Variants in TMEM236 observed in about 807,000 individuals in gnomAD.
TMEM236 encodes family with sequence similarity 23, member A.
A neutral mutation model predicts 14.7 loss-of-function variants in TMEM236; 11 were observed. The ratio of observed to expected loss-of-function variants is 0.75; its 90% CI spans 0.47 to 1.24. The LOEUF is 1.24. Among genes scored for constraint, TMEM236 ranks in the 50% most tolerant of loss-of-function variants. The pLI is 0.00. For synonymous variants in TMEM236, 182 were observed against 168.6 expected (o/e 1.08, Z -0.62); for missense variants, 464 against 427.3 (o/e 1.09, Z -0.76).
rs1838015455 is a variant in TMEM236 at position 17,796,362 on chromosome 10, G to C, written c.914G>C (p.Arg305Thr). The C allele has an allele frequency of 1.2e-6, 2 of 1,613,904 alleles. No individual in the cohort carries two copies. The highest frequency in any genetic ancestry group is 1.7e-6 in the Non-Finnish European group (2 of 1,179,868). The change falls in exon 4 of 4, where the codon AGA becomes ACA. Residue 305 changes from arginine (R) to threonine (T), a missense_variant. Transcript: ENST00000377495. ...LLQDLPFVFVRLGLIIALGTI... is the reference protein window; with the variant it reads ...LLQDLPFVFVTLGLIIALGTI... ...CAAGATTTACCATTCGTTTTTGTTA[G>C]ACTTGGTTTAATCATTGCCCTGGGG...
intron 1 of TMEM236, among the ~76,000 whole-genome samples, chr10:17,764,442 G>A (rs2131744290): frequency 6.6e-6 from 1 of 152,230 alleles, no homozygotes; most frequent in South Asian, 2.1e-4. Context: ...TCGCAAACTT[G>A]CATTCTTTGC....
chr10:17,764,554 G>T (rs1837430143), intron 1 of TMEM236, among the ~76,000 whole-genome samples: 1 of 152,154 alleles, frequency 6.6e-6, no homozygotes, highest in Non-Finnish European at 1.5e-5. Context: ...TCACAAACTT[G>T]GTGGCTTAAA....
At chr10:17,795,593 G>A (rs1837998458) in intron 3 of TMEM236, among the ~76,000 whole-genome samples, 1 of 152,130 alleles carries the variant, frequency 6.6e-6, no homozygotes, top group Non-Finnish European at 1.5e-5. Context: ...GTGTTATCTT[G>A]AAATTCCATG....
chr10:17,760,100 C>A (rs369199897), intron 1 of TMEM236, among the ~76,000 whole-genome samples: 16,720 of 151,014 alleles, frequency 0.11, 992 homozygotes, highest in Non-Finnish European at 0.13. Context: ...CTGTGCACTG[C>A]TGGACACACG....
intron 3 of TMEM236, among the ~76,000 whole-genome samples, chr10:17,778,147 C>T (rs928219901): frequency 2.6e-4 from 40 of 152,286 alleles, no homozygotes; most frequent in African/African-American, 6.5e-4. Flanking sequence ...GGAGAAGACT[C>T]TAGCACAATT....
At chr10:17,761,862 A>C (rs1046387640) in intron 1 of TMEM236, among the ~76,000 whole-genome samples, 23 of 152,192 alleles carry the variant, frequency 1.5e-4, no homozygotes, top group Admixed American at 5.2e-4. Context: ...CAATACAAAT[A>C]CCTCTGATTC....
chr10:17,752,659 TG>T (rs1837226599), intron 1 of TMEM236, 107 bp downstream of exon 1: 1 of 1,083,176 alleles, frequency 9.2e-7, no homozygotes, highest in African/African-American at 1.6e-5. Flanking sequence ...GTCCGCCTCC[TG>T]GGTTCAAGTG....
At chr10:17,766,759 G>A (rs1438451437) in intron 1 of TMEM236, among the ~76,000 whole-genome samples, 13 of 152,176 alleles carry the variant, frequency 8.5e-5, no homozygotes, top group African/African-American at 2.9e-4. Flanking sequence ...CAAAATTCCA[G>A]AGCTGAAAAC....
intron 1 of TMEM236, among the ~76,000 whole-genome samples, chr10:17,766,474 C>T (rs1310986021): frequency 2.6e-5 from 4 of 152,194 alleles, no homozygotes; most frequent in Non-Finnish European, 5.9e-5. Context: ...TAACAGCTTT[C>T]TCTATATCCC....
chr10:17,784,264 T>C (rs1318225082), intron 3 of TMEM236, among the ~76,000 whole-genome samples: 1 of 152,230 alleles, frequency 6.6e-6, no homozygotes, highest in African/African-American at 2.4e-5. Flanking sequence ...AATTTATAAA[T>C]AACCAATAAG....
chr10:17,793,395 G>C (rs1178959194), intron 3 of TMEM236, among the ~76,000 whole-genome samples: 1 of 152,202 alleles, frequency 6.6e-6, no homozygotes, highest in East Asian at 1.9e-4. Flanking sequence ...CATTATGACA[G>C]TTTCACCTAC....
chr10:17,752,395 G>T lies in TMEM236; in HGVS notation c.100G>T (p.Ala34Ser), dbSNP rs927472313. Residue 34 changes from alanine to serine, a missense_variant, in exon 1 of 4, where the codon GCC becomes TCC. Coordinates refer to ENST00000377495, the MANE Select transcript of TMEM236 (RefSeq NM_001098844.3). Reference sequence around the variant, plus strand: ...CGTGATCACAGAACAGTTTGCCACCGCCTACCAAGGAACAAGGGCTAGATC... The same window carrying T: ...CGTGATCACAGAACAGTTTGCCACCTCCTACCAAGGAACAAGGGCTAGATC... ...TLVITEQFAT[A>S]YQGTRARSDN... 3,219 of 1,613,850 alleles carry T rather than the reference G, an allele frequency of 2.0e-3. 67 individuals are homozygous for T. In the Admixed American group the frequency reaches 0.039, roughly 20 times the overall value.
chr10:17,793,785 A>G (rs1837966127), intron 3 of TMEM236, among the ~76,000 whole-genome samples: 2 of 152,152 alleles, frequency 1.3e-5, no homozygotes, highest in African/African-American at 4.8e-5. Flanking sequence ...GCCTGGCTCT[A>G]TATTAATTTT....
At chr10:17,771,797 T>C (rs1444599515) in intron 2 of TMEM236, among the ~76,000 whole-genome samples, 3 of 152,382 alleles carry the variant, frequency 2.0e-5, no homozygotes, top group South Asian at 4.1e-4. Context: ...ATAATTTGCA[T>C]GTGTTATTTA....
At chr10:17,779,278 A>G (rs1837710022) in intron 3 of TMEM236, among the ~76,000 whole-genome samples, 1 of 152,092 alleles carries the variant, frequency 6.6e-6, no homozygotes, top group African/African-American at 2.4e-5. Context: ...CTCCCTGGCA[A>G]TCATGACCTT....
In TMEM236 at chr10:17,786,295, A is replaced by G. The variant is rs917653200; in HGVS notation, c.473-9626A>G. On this transcript the variant is annotated intron_variant, in intron 3 of 3. Coordinates refer to ENST00000377495, the MANE Select transcript of TMEM236 (RefSeq NM_001098844.3). The stretch of plus-strand genomic sequence containing the variant: ...TAAAGGCATAGGTCACTGATTTTCA[A>G]TATTTACATTTTCATATCTTAGGTC... Among the ~76,000 whole-genome samples the G allele has an allele frequency of 2.0e-5, 3 of 152,284 alleles. No homozygotes were observed. In the South Asian group the frequency reaches 6.2e-4, roughly 32 times the overall value.
At chr10:17,768,821 A>G (rs1480274560) in intron 1 of TMEM236, among the ~76,000 whole-genome samples, 1 of 151,998 alleles carries the variant, frequency 6.6e-6, no homozygotes, top group Non-Finnish European at 1.5e-5. Context: ...AAACCATATC[A>G]TGTACAGCAT....
At chr10:17,791,526 A>G (rs1301931034) in intron 3 of TMEM236, among the ~76,000 whole-genome samples, 2 of 152,150 alleles carry the variant, frequency 1.3e-5, no homozygotes, top group Non-Finnish European at 1.5e-5. Context: ...AAGCATATAA[A>G]GGGCTTGGAA....
At chr10:17,768,505 C>A (rs1837512767) in intron 1 of TMEM236, among the ~76,000 whole-genome samples, 3 of 152,024 alleles carry the variant, frequency 2.0e-5, no homozygotes, top group African/African-American at 7.2e-5. Flanking sequence ...AAATGTTGTC[C>A]TGAGAAGGTT....
Sources: allele counts gnomAD v4.1 joint callset (sites outside exome capture counted in the v4.1 genomes callset), GRCh38; gene constraint gnomAD v4.1.1; transcripts MANE v1.5; gene names NCBI Gene and HGNC (gene_info 2026-07-23, HGNC 2026-07-21).